SLC8A1: variants seen among roughly 807,000 people sequenced by gnomAD.
The protein encoded by SLC8A1 is sodium/calcium exchanger 1.
Under a neutral mutation model 68.3 loss-of-function variants are expected in SLC8A1, and 18 were observed. The observed-to-expected ratio is 0.26, with a 90% CI of 0.18 to 0.39. The LOEUF (loss-of-function observed/expected upper bound fraction) is 0.39, where lower values mean the gene tolerates loss of function less well. Ranked by LOEUF, SLC8A1 falls within the 10% of genes least tolerant of loss-of-function variation. SLC8A1 has a pLI of 1.00. For missense variants in SLC8A1, 985 were observed against 1,156.7 expected, an observed-to-expected ratio of 0.85 and a Z score of 2.15; for synonymous variants, 475 against 415.5, an observed-to-expected ratio of 1.14 and a Z score of -1.74.
chr2:40,291,731 C>A (rs375413474), intron 2 of SLC8A1, among the ~76,000 whole-genome samples: 4 of 152,204 alleles, frequency 2.6e-5, no homozygotes, highest in Admixed American at 2.0e-4. Context: ...TCTCTCAATG[C>A]ACCTTTTGTT....
At chr2:40,200,231 T>TAAATATAA in intron 2 of SLC8A1, among the ~76,000 whole-genome samples, 1 of 14,664 alleles carries the variant, frequency 6.8e-5, no homozygotes. Flanking sequence ...TTTTTATATA[T>TAAATATAA]ATATATAAAT....
At chr2:40,233,624 GC>G (rs909301919) in intron 2 of SLC8A1, among the ~76,000 whole-genome samples, 7 of 138,750 alleles carry the variant, frequency 5.0e-5, no homozygotes, top group African/African-American at 1.9e-4. Context: ...GTCAATTTTG[GC>G]TTTTGTTGTC....
intron 6 of SLC8A1, among the ~76,000 whole-genome samples, chr2:40,146,949 C>T (rs370107447): frequency 3.3e-5 from 5 of 152,052 alleles, no homozygotes; most frequent in African/African-American, 1.2e-4. Context: ...GCAACTCACT[C>T]TCTGTTAATA....
At chr2:40,147,178 C>T (rs1000289606) in intron 6 of SLC8A1, among the ~76,000 whole-genome samples, 1 of 152,088 alleles carries the variant, frequency 6.6e-6, no homozygotes, top group East Asian at 1.9e-4. Context: ...TCGATTATTA[C>T]CAAAACAAAT....
intron 2 of SLC8A1, among the ~76,000 whole-genome samples, chr2:40,344,779 C>T (rs1668742219): frequency 6.6e-6 from 1 of 152,144 alleles, no homozygotes; most frequent in Admixed American, 6.6e-5. Flanking sequence ...GACATTAGGT[C>T]CTGTACCTAG....
chr2:40,419,621 T>G (rs528818261), intron 2 of SLC8A1, among the ~76,000 whole-genome samples: 74 of 152,250 alleles, frequency 4.9e-4, no homozygotes, highest in African/African-American at 1.8e-3. Flanking sequence ...ATATACACAC[T>G]GAACTGAATA....
chr2:40,249,685 A>C (rs1217445101), intron 2 of SLC8A1, among the ~76,000 whole-genome samples: 1 of 152,208 alleles, frequency 6.6e-6, no homozygotes, highest in African/African-American at 2.4e-5. Context: ...CATCAATTTG[A>C]ATAAGTGCAA....
chr2:40,320,920 T>C (rs1287547690), intron 2 of SLC8A1, among the ~76,000 whole-genome samples: 3 of 152,110 alleles, frequency 2.0e-5, no homozygotes, highest in African/African-American at 7.2e-5. Flanking sequence ...ACCCACAGTT[T>C]TTATCCCTTC....
chr2:40,221,686 C>G (rs531294640), intron 2 of SLC8A1, among the ~76,000 whole-genome samples: 2 of 152,296 alleles, frequency 1.3e-5, no homozygotes, highest in South Asian at 2.1e-4. Context: ...TCTCTGGATA[C>G]AAAATCAATG....
intron 2 of SLC8A1, among the ~76,000 whole-genome samples, chr2:40,304,753 C>T (rs2072248571): frequency 1.3e-5 from 2 of 152,136 alleles, no homozygotes; most frequent in African/African-American, 4.8e-5. Context: ...CATTGTTTTA[C>T]CTGGGTTTGC....
intron 1 of SLC8A1, among the ~76,000 whole-genome samples, chr2:40,460,841 G>A (rs1703299153): frequency 6.7e-6 from 1 of 148,882 alleles, no homozygotes; most frequent in African/African-American, 2.5e-5. Context: ...CCTAAGTGCT[G>A]GGATTACAGG....
At chr2:40,481,907 T>C (rs182805416) in intron 1 of SLC8A1, among the ~76,000 whole-genome samples, 1 of 152,232 alleles carries the variant, frequency 6.6e-6, no homozygotes, top group East Asian at 1.9e-4. Flanking sequence ...ATTATATAGA[T>C]CAAAATTTGA....
chr2:40,292,691 TG>T (rs1392757161), intron 2 of SLC8A1, among the ~76,000 whole-genome samples: 3 of 152,160 alleles, frequency 2.0e-5, no homozygotes, highest in Non-Finnish European at 4.4e-5. Context: ...CAGAAAATAA[TG>T]GTTCCCCTCT....
intron 2 of SLC8A1, among the ~76,000 whole-genome samples, chr2:40,211,970 T>A (rs2056659698): frequency 1.3e-5 from 2 of 152,212 alleles, no homozygotes; most frequent in South Asian, 4.1e-4. Context: ...ATATCATAAT[T>A]CTATACCTAA....
chr2:40,375,712 A>T lies in SLC8A1; in HGVS notation c.1808+52761T>A, dbSNP rs577229521. ...AATCACTTGACAACTATATCAAGTT[A>T]TATGCTTAGGCTGGGAGTGGTGGCT... On this transcript the variant is annotated intron_variant, in intron 2 of 7. Coordinates refer to ENST00000406785, the Ensembl canonical transcript of SLC8A1. Among the ~76,000 whole-genome samples the T allele has an allele frequency of 1.1e-4, 16 of 152,222 alleles. No individual in the cohort carries two copies. In the South Asian group the frequency reaches 3.1e-3, roughly 30 times the overall value.
intron 2 of SLC8A1, among the ~76,000 whole-genome samples, chr2:40,420,830 C>A (rs866513212): frequency 1.3e-5 from 2 of 152,042 alleles, no homozygotes; most frequent in Non-Finnish European, 2.9e-5. Flanking sequence ...AAGGAAGAAA[C>A]AGCCCTGAAT....
chr2:40,408,604 T>A (rs908389489), intron 2 of SLC8A1, among the ~76,000 whole-genome samples: 1 of 152,152 alleles, frequency 6.6e-6, no homozygotes, highest in Non-Finnish European at 1.5e-5. Flanking sequence ...GAGTAACAAG[T>A]AGGTGGCCCA....
At chr2:40,270,166 A>G (rs1258153964) in intron 2 of SLC8A1, among the ~76,000 whole-genome samples, 3 of 152,202 alleles carry the variant, frequency 2.0e-5, no homozygotes. Context: ...AGACAATTCA[A>G]AAGTCCAGTT....
chr2:40,313,624 A>G (rs1205859425), intron 2 of SLC8A1, among the ~76,000 whole-genome samples: 3 of 151,796 alleles, frequency 2.0e-5, no homozygotes, highest in Non-Finnish European at 4.4e-5. Context: ...ACTGGTCTTG[A>G]ACTGCTGGGT....
Sources: allele counts gnomAD v4.1 joint callset (sites outside exome capture counted in the v4.1 genomes callset), GRCh38; gene constraint gnomAD v4.1.1; transcripts MANE v1.5; gene names NCBI Gene and HGNC (gene_info 2026-07-23, HGNC 2026-07-21).